Variants in NBEAL1 observed in about 807,000 individuals in gnomAD.
The protein encoded by NBEAL1 is neurobeachin like 1, also known as neurobeachin-like protein 1.
Under a neutral mutation model 351.3 loss-of-function variants are expected in NBEAL1, and 273 were observed. That is an observed-to-expected ratio of 0.78 (90% CI 0.70 to 0.86). The LOEUF is 0.86. Ranked by LOEUF, NBEAL1 falls within the 40% of genes least tolerant of loss-of-function variation. The probability of loss-of-function intolerance (pLI) is 0.00; values close to 1 mark genes in which losing one functional copy is unlikely to be tolerated. For synonymous variants in NBEAL1, 1,050 were observed against 1,086.4 expected, an observed-to-expected ratio of 0.97 and a Z score of 0.66; for missense variants, 2,961 against 3,201.3, an observed-to-expected ratio of 0.92 and a Z score of 1.81.
At chr2:203,100,996 T>C (rs1489084194) in intron 12 of NBEAL1, among the ~76,000 whole-genome samples, 1 of 152,220 alleles carries the variant, frequency 6.6e-6, no homozygotes, top group African/African-American at 2.4e-5. Flanking sequence ...GTTTCTCCCA[T>C]TCTGTAGGTT....
At chr2:203,159,471 G>T (rs2063887926) in intron 36 of NBEAL1, among the ~76,000 whole-genome samples, 1 of 151,828 alleles carries the variant, frequency 6.6e-6, no homozygotes, top group African/African-American at 2.4e-5. Flanking sequence ...TTTGTATCTG[G>T]CTTATTTTCA....
chr2:203,205,929 C>A (rs539575567), intron 51 of NBEAL1, among the ~76,000 whole-genome samples: 61 of 152,336 alleles, frequency 4.0e-4, no homozygotes, highest in Middle Eastern at 3.4e-3. Flanking sequence ...TTAATGCACA[C>A]CACATGGAAC....
chr2:203,056,574 T>C, intron 5 of NBEAL1, 66 bp downstream of exon 5: 1 of 980,734 alleles, frequency 1.0e-6, no homozygotes, highest in South Asian at 1.4e-5. Flanking sequence ...TTTGTTTGTT[T>C]GTTTGTTTTG....
At chr2:203,207,236 T>A in intron 51 of NBEAL1, among the ~76,000 whole-genome samples, 1 of 150,970 alleles carries the variant, frequency 6.6e-6, no homozygotes, top group African/African-American at 2.4e-5. Flanking sequence ...CCACCCCATC[T>A]GGGAAGTGAA....
rs1433141586 is a variant in NBEAL1 at position 203,084,555 on chromosome 2, C to T, written c.1084C>T (p.Leu362=). The T allele has an allele frequency of 6.6e-7, 1 of 1,514,068 alleles. No individual in the cohort carries two copies. Among genetic ancestry groups the T allele is most frequent in the Admixed American group, 2.2e-5 (1 of 45,086 alleles). 93.8% of individuals were successfully genotyped at this position (1,514,068 alleles called of 1,614,324 possible). Residue 362 remains leucine, a synonymous_variant, in exon 10 of 56, where the codon CTA becomes TTA. Transcript: ENST00000683969. ...SNCFEHLIRL[L]QNCKLFLNAN... ...TTGCTTTGAACATCTCATACGACTG[C>T]TACAGAACTGCAAGGTATTTTTCTA...
In NBEAL1 at chr2:203,144,625, T is replaced by C; in HGVS notation, c.4874T>C (p.Leu1625Pro). ...LQVCAMASAK[L>P]NTLLQTKVIE... ...GTTTGTGCAATGGCATCAGCTAAGC[T>C]AAATACCCTTCTTCAGACCAAAGTG... The change falls in exon 32 of 56, where the codon CTA becomes CCA. Residue 1625 changes from leucine (L) to proline (P), a missense_variant. Physicochemically the swap from Leu to Pro is moderately conservative, Grantham distance 98. Coordinates refer to ENST00000683969, the MANE Select transcript of NBEAL1 (RefSeq NM_001378026.1). The C allele has an allele frequency of 1.2e-6, 2 of 1,613,954 alleles. No individual in the cohort carries two copies. The highest frequency in any genetic ancestry group is 1.7e-6 in the Non-Finnish European group (2 of 1,179,884).
At chr2:203,187,523 T>A (rs2064939133) in intron 44 of NBEAL1, among the ~76,000 whole-genome samples, 1 of 151,450 alleles carries the variant, frequency 6.6e-6, no homozygotes, top group African/African-American at 2.4e-5. Flanking sequence ...GTGGATCACC[T>A]GAGGTCAGGA....
Position 203,175,273 on chromosome 2 carries a change from A to G in NBEAL1, c.6450A>G (p.Gln2150=). Residue 2150 remains glutamine (Q), a synonymous_variant, in exon 42 of 56, where the codon CAA becomes CAG. Transcript: ENST00000683969. Reference sequence around the variant, plus strand: ...AACCGTTCACCACCCTCCACATCCAACTTCAGAGTGGAAGGTATGTTTTGA... The same window carrying G: ...AACCGTTCACCACCCTCCACATCCAGCTTCAGAGTGGAAGGTATGTTTTGA... ...RVEPFTTLHI[Q]LQSGRFDCAD... 6.2e-7 allele frequency: 1 copy of G among 1,613,108 alleles called. No homozygotes were observed. The highest frequency in any genetic ancestry group is 8.5e-7 in the Non-Finnish European group (1 of 1,179,762).
At chr2:203,099,276 C>CA (rs767300078) in intron 11 of NBEAL1, among the ~76,000 whole-genome samples, 170 of 88,512 alleles carry the variant, frequency 1.9e-3, no homozygotes, top group Admixed American at 1.9e-3. Context: ...AACTCCATCT[C>CA]AAAAAAAAAA....
rs2061518649 is a variant in NBEAL1, at chr2:203,062,579, A to T, written c.515+5126A>T. On this transcript the variant is annotated intron_variant, in intron 6 of 55. Transcript: ENST00000683969. The surrounding 1 kb of genome is among the most constrained non-coding windows in gnomAD (Gnocchi z 4.2). ...AAGAAGAAAATTTTATATACTATTA[A>T]TATAATATAGGAAGATAATTCTGCA... The T allele has an allele frequency of 1.1e-5, 2 of 186,110 alleles. No homozygotes were observed. The highest frequency in any genetic ancestry group is 1.9e-4 in the South Asian group (2 of 10,632). 11.5% of individuals were successfully genotyped at this position (186,110 alleles called of 1,614,324 possible). A position where few individuals can be genotyped will look rare whatever the true frequency, so the allele number is the denominator to read the frequency against.
At chr2:203,141,142 C>G (rs2063356313) in intron 31 of NBEAL1, among the ~76,000 whole-genome samples, 1 of 150,600 alleles carries the variant, frequency 6.6e-6, no homozygotes. Flanking sequence ...AAAGTAGTTG[C>G]AGTTAGCATG....
intron 55 of NBEAL1, among the ~76,000 whole-genome samples, chr2:203,215,677 G>C (rs2065883753): frequency 1.3e-5 from 2 of 149,090 alleles, no homozygotes; most frequent in South Asian, 4.2e-4. Context: ...AACAGAGCGA[G>C]ACTCCATCTC....
At chr2:203,073,014 G>T (rs956722226) in intron 7 of NBEAL1, among the ~76,000 whole-genome samples, 24 of 152,068 alleles carry the variant, frequency 1.6e-4, no homozygotes, top group Admixed American at 1.6e-3. Flanking sequence ...ATGCTATTAT[G>T]ATTTTCTTAA....
Position 203,136,781 on chromosome 2 carries a change from A to T in NBEAL1, c.4565+7A>T. 6.2e-7 allele frequency: 1 copy of T among 1,608,004 alleles called. No individual in the cohort carries two copies. Among genetic ancestry groups the T allele is most frequent in the Non-Finnish European group, 8.5e-7 (1 of 1,176,418 alleles). On this transcript the variant is annotated splice_region_variant and intron_variant, in intron 29 of 55. Coordinates refer to ENST00000683969, the MANE Select transcript of NBEAL1 (RefSeq NM_001378026.1). ...CAGATGAAATAAAACTAACGTAAGC[A>T]TTTAGTTAGTGATTTTCCATCCTCC... is the stretch of plus-strand genomic sequence containing the variant.
chr2:203,215,559 A>G (rs2065881993), intron 55 of NBEAL1, among the ~76,000 whole-genome samples: 1 of 151,458 alleles, frequency 6.6e-6, no homozygotes, highest in Non-Finnish European at 1.5e-5. Context: ...GTGGTGGCGC[A>G]TGCCTGTAGT....
chr2:203,040,733 TCCACCTTTTGG>T, intron 2 of NBEAL1: 1 of 590,206 alleles, frequency 1.7e-6, no homozygotes, highest in East Asian at 4.1e-5. Flanking sequence ...TTGCTCCCTT[TCCACCTTTTGG>T]TGACCCATCA....
intron 2 of NBEAL1, among the ~76,000 whole-genome samples, chr2:203,023,629 G>A (rs2060804148): frequency 6.8e-6 from 1 of 146,156 alleles, no homozygotes; most frequent in Admixed American, 6.8e-5. Flanking sequence ...TGTTTGTTTC[G>A]GACAAAAAAA....
intron 4 of NBEAL1, chr2:203,052,325 C>T (rs772933986): frequency 5.2e-5 from 8 of 153,402 alleles, no homozygotes; most frequent in Non-Finnish European, 1.0e-4. Context: ...AATATGTGTA[C>T]TGTGATGGAA....
At chr2:203,190,163 C>T (rs1228084971) in intron 45 of NBEAL1, 129 bp from the exon 46 acceptor site, 2 of 4,040 alleles carry the variant, frequency 5.0e-4, no homozygotes. Context: ...TGTGTGTACA[C>T]ACACACACAC....
Sources: allele counts gnomAD v4.1 joint callset (sites outside exome capture counted in the v4.1 genomes callset), GRCh38; gene constraint gnomAD v4.1.1; non-coding constraint Gnocchi (gnomAD v3.1); transcripts MANE v1.5; gene names NCBI Gene and HGNC (gene_info 2026-07-23, HGNC 2026-07-21).